The following DNAJC15 variants were observed in gnomAD, a reference collection of about 807,000 sequenced individuals.
DNAJC15 encodes the protein DnaJ heat shock protein family (Hsp40) member C15.
In DNAJC15, 27 loss-of-function variants were observed where a neutral mutation model predicts 22.4. The ratio of observed to expected loss-of-function variants is 1.20; its 90% CI spans 0.89 to 1.66. The LOEUF (loss-of-function observed/expected upper bound fraction) is 1.66. Ranked by LOEUF, DNAJC15 falls within the 40% of genes most tolerant of loss-of-function variation. The probability of loss-of-function intolerance (pLI) is 0.00; values close to 1 mark genes in which losing one functional copy is unlikely to be tolerated. For missense variants in DNAJC15, 208 were observed against 187.1 expected (o/e 1.11, Z -0.65); for synonymous variants, 79 against 63.2 (o/e 1.25, Z -1.19).
intron 5 of DNAJC15, among the ~76,000 whole-genome samples, chr13:43,095,000 T>C (rs925845151): frequency 1.3e-5 from 2 of 152,336 alleles, no homozygotes; most frequent in South Asian, 4.1e-4. Flanking sequence ...CAGGTGGGGT[T>C]TTTTAGTGGT....
chr13:43,024,343 T>G (rs1474930869), intron 1 of DNAJC15, among the ~76,000 whole-genome samples: 4 of 72,376 alleles, frequency 5.5e-5, no homozygotes, highest in African/African-American at 2.7e-4. Context: ...TTACGTTTTT[T>G]TTTTTTTTTT....
At position 43,097,573 on chromosome 13, in the gene DNAJC15, A is replaced by G. The variant is rs1053396491; in HGVS notation, c.383-9605A>G. Among the ~76,000 whole-genome samples the G allele has an allele frequency of 3.9e-5, 6 of 152,322 alleles. No homozygotes were observed. In the East Asian group the frequency reaches 9.6e-4, roughly 24 times the overall value. On this transcript the variant is annotated intron_variant, in intron 5 of 5. Coordinates refer to ENST00000379221, the MANE Select transcript of DNAJC15 (RefSeq NM_013238.3). The stretch of plus-strand genomic sequence containing the variant: ...TGGAAGCAAGGCAGTCACTAGAGAA[A>G]ACTGTAGTAATCCAAGAGAATGATA...
intron 3 of DNAJC15, among the ~76,000 whole-genome samples, chr13:43,069,706 A>G (rs2040599906): frequency 6.6e-6 from 1 of 152,212 alleles, no homozygotes; most frequent in Non-Finnish European, 1.5e-5. Flanking sequence ...GGATAGATCA[A>G]CTTGGTTGAG....
At chr13:43,094,079 TCAA>T (rs2040728188) in intron 5 of DNAJC15, among the ~76,000 whole-genome samples, 1 of 152,254 alleles carries the variant, frequency 6.6e-6, no homozygotes, top group Admixed American at 6.5e-5. Flanking sequence ...AAACCAGAAC[TCAA>T]CAAGTGGTAG....
intron 5 of DNAJC15, among the ~76,000 whole-genome samples, chr13:43,104,091 G>A (rs944278952): frequency 6.6e-5 from 10 of 151,748 alleles, no homozygotes; most frequent in South Asian, 6.3e-4. Flanking sequence ...CCATTTAAAC[G>A]CACAATTTGA....
At position 43,109,868 on chromosome 13, in the gene DNAJC15, AT is replaced by A. The variant is rs1247145813; in HGVS notation, c.*2624del. On this transcript the variant is annotated 3_prime_UTR_variant, in exon 6 of 6. Transcript: ENST00000379221. Reference sequence around the variant, plus strand: ...AGAACTTAAAGTATAATAAAAAGAAATTTTAAAAAATCCTGTCAAATAAGGT... The same window carrying A: ...AGAACTTAAAGTATAATAAAAAGAAATTTAAAAAATCCTGTCAAATAAGGT... 5.3e-5 allele frequency: 8 copies of A among 151,712 alleles called. No homozygotes were observed. The highest frequency in any genetic ancestry group is 1.2e-4 in the Non-Finnish European group (8 of 67,834). 9.4% of individuals were successfully genotyped at this position (151,712 alleles called of 1,614,324 possible). A position where few individuals can be genotyped will look rare whatever the true frequency, so the allele number is the denominator to read the frequency against.
At chr13:43,092,611 T>G (rs895140441) in intron 5 of DNAJC15, among the ~76,000 whole-genome samples, 1 of 152,144 alleles carries the variant, frequency 6.6e-6, no homozygotes, top group African/African-American at 2.4e-5. Context: ...TTTTAAAAAT[T>G]TTATACTTTT....
chr13:43,028,910 AT>A (rs2040392487), intron 1 of DNAJC15, among the ~76,000 whole-genome samples: 1 of 152,198 alleles, frequency 6.6e-6, no homozygotes, highest in Non-Finnish European at 1.5e-5. Flanking sequence ...ATACATCAAA[AT>A]TATTTATATT....
At chr13:43,047,750 A>T (rs1190687454) in intron 1 of DNAJC15, among the ~76,000 whole-genome samples, 1 of 152,218 alleles carries the variant, frequency 6.6e-6, no homozygotes, top group Admixed American at 6.5e-5. Context: ...AGTAGAAAGT[A>T]TAAGGGGCTC....
intron 1 of DNAJC15, among the ~76,000 whole-genome samples, chr13:43,065,057 C>G (rs1025971967): frequency 2.6e-5 from 4 of 151,528 alleles, no homozygotes; most frequent in Non-Finnish European, 5.9e-5. Flanking sequence ...CTAATAGTTT[C>G]CTGAGATGTT....
intron 5 of DNAJC15, among the ~76,000 whole-genome samples, chr13:43,106,970 G>A (rs1424001571): frequency 1.3e-5 from 2 of 151,788 alleles, no homozygotes; most frequent in African/African-American, 4.8e-5. Flanking sequence ...ATTTTTCTCA[G>A]AGGTTTTTTT....
At chr13:43,104,764 A>T (rs1393325528) in intron 5 of DNAJC15, among the ~76,000 whole-genome samples, 1 of 149,346 alleles carries the variant, frequency 6.7e-6, no homozygotes, top group African/African-American at 2.5e-5. Flanking sequence ...ATCAAGACTC[A>T]CTGCAGCCTC....
At chr13:43,102,992 TTA>T (rs1215879225) in intron 5 of DNAJC15, among the ~76,000 whole-genome samples, 2 of 152,184 alleles carry the variant, frequency 1.3e-5, no homozygotes, top group African/African-American at 4.8e-5. Flanking sequence ...CCATTTCTTC[TTA>T]TATTAATTTT....
intron 1 of DNAJC15, among the ~76,000 whole-genome samples, chr13:43,059,846 T>C (rs943334653): frequency 3.9e-5 from 6 of 151,930 alleles, no homozygotes; most frequent in African/African-American, 1.4e-4. Flanking sequence ...GAGCAATGTT[T>C]CGCGGGCATG....
Position 43,112,446 on chromosome 13 carries a change from C to G in DNAJC15, c.*5198C>G, listed in dbSNP as rs574106846. The G allele has an allele frequency of 6.6e-6, 1 of 152,268 alleles. No homozygotes were observed. Among genetic ancestry groups the G allele is most frequent in the East Asian group, 1.9e-4 (1 of 5,174 alleles). The allele number at this position is 152,268 out of a possible 1,614,324, so 9.4% of individuals were successfully genotyped here. ...TTGGCCATAAATTTCAAATTAGTAT[C>G]TCAACTTAGCAGGGGGGATCAACAG... On this transcript the variant is annotated 3_prime_UTR_variant, in exon 6 of 6. Transcript: ENST00000379221.
At chr13:43,098,356 G>C (rs770674508) in intron 5 of DNAJC15, among the ~76,000 whole-genome samples, 3 of 152,204 alleles carry the variant, frequency 2.0e-5, no homozygotes, top group Admixed American at 6.5e-5. Context: ...TGTGCAGATA[G>C]AGGCAGCAAA....
chr13:43,038,284 G>T (rs151217441), intron 1 of DNAJC15, among the ~76,000 whole-genome samples: 1 of 152,306 alleles, frequency 6.6e-6, no homozygotes, highest in Admixed American at 6.5e-5. Flanking sequence ...ATCAGTTCAG[G>T]AGATTGTTCA....
intron 5 of DNAJC15, among the ~76,000 whole-genome samples, chr13:43,104,944 C>G (rs1475378623): frequency 1.3e-5 from 2 of 151,902 alleles, no homozygotes; most frequent in East Asian, 3.9e-4. Context: ...TCACCTCACC[C>G]TCCCAAAGTG....
intron 5 of DNAJC15, among the ~76,000 whole-genome samples, chr13:43,092,478 G>A (rs1191874557): frequency 1.3e-5 from 2 of 149,680 alleles, no homozygotes; most frequent in African/African-American, 4.9e-5. Flanking sequence ...ACTGGTATTT[G>A]AATATATACA....
Sources: allele counts gnomAD v4.1 joint callset (sites outside exome capture counted in the v4.1 genomes callset), GRCh38; gene constraint gnomAD v4.1.1; transcripts MANE v1.5; gene names NCBI Gene and HGNC (gene_info 2026-07-23, HGNC 2026-07-21).